The following RFX3 variants were observed in gnomAD, a reference collection of about 807,000 sequenced individuals.
RFX3 encodes regulatory factor X3.
RFX3 carries 14 observed loss-of-function variants against 98.6 expected under a neutral mutation model. That is an observed-to-expected ratio of 0.14 (90% CI 0.09 to 0.22). RFX3 has a LOEUF of 0.22. Ranked by LOEUF, RFX3 falls within the 10% of genes least tolerant of loss-of-function variation. The probability of loss-of-function intolerance (pLI) is 1.00; values close to 1 mark genes in which losing one functional copy is unlikely to be tolerated. For synonymous variants in RFX3, 383 were observed against 328.4 expected (o/e 1.17, Z -1.80); for missense variants, 639 against 926.9 (o/e 0.69, Z 4.03).
chr9:3,377,755 A>G (rs1049542448), intron 2 of RFX3, among the ~76,000 whole-genome samples: 1 of 152,184 alleles, frequency 6.6e-6, no homozygotes, highest in African/African-American at 2.4e-5. Flanking sequence ...TATTTGGGGT[A>G]ATGAAAATGT....
intron 2 of RFX3, among the ~76,000 whole-genome samples, chr9:3,353,223 G>A (rs1015792645): frequency 6.6e-6 from 1 of 150,838 alleles, no homozygotes; most frequent in African/African-American, 2.4e-5. Flanking sequence ...GGGAGGGATA[G>A]CATTAGGAGA....
intron 2 of RFX3, among the ~76,000 whole-genome samples, chr9:3,391,291 A>C (rs1840285214): frequency 6.6e-6 from 1 of 152,190 alleles, no homozygotes; most frequent in African/African-American, 2.4e-5. Flanking sequence ...ACTGGAATAT[A>C]CTGGGGAGCT....
rs369584124 is a variant in RFX3 at position 3,247,912 on chromosome 9, G to A, written c.1968+120C>T. ...TTGCAATAACTCCACAGTCCCTCCTGGCTCTGAGGCTGACTTGGTTAGGAA... is the reference window on the plus strand; with the variant it reads ...TTGCAATAACTCCACAGTCCCTCCTAGCTCTGAGGCTGACTTGGTTAGGAA... On this transcript the variant is annotated intron_variant, in intron 15 of 16. Coordinates refer to ENST00000617270, the MANE Select transcript of RFX3 (RefSeq NM_001282116.2). 1.9e-6 allele frequency: 3 copies of A among 1,611,768 alleles called. No individual in the cohort carries two copies. In the African/African-American group the frequency reaches 4.0e-5, roughly 21 times the overall value.
At chr9:3,243,959 C>A (rs181582356) in intron 15 of RFX3, among the ~76,000 whole-genome samples, 12 of 151,652 alleles carry the variant, frequency 7.9e-5, no homozygotes, top group East Asian at 1.9e-4. Flanking sequence ...GGGCAAGTTA[C>A]TTTTTGGTTC....
intron 15 of RFX3, among the ~76,000 whole-genome samples, chr9:3,234,571 C>T (rs563552419): frequency 2.0e-4 from 31 of 152,144 alleles, no homozygotes; most frequent in Admixed American, 8.5e-4. Context: ...CCAAGGTGGT[C>T]GAGGCTGCAG....
chr9:3,415,008 A>G (rs1842843722), intron 1 of RFX3, among the ~76,000 whole-genome samples: 1 of 136,296 alleles, frequency 7.3e-6, no homozygotes, highest in Non-Finnish European at 1.5e-5. Context: ...ACTTATATAT[A>G]CTCATATATA....
chr9:3,337,996 T>C (rs977601291), intron 3 of RFX3, among the ~76,000 whole-genome samples: 1 of 152,052 alleles, frequency 6.6e-6, no homozygotes, highest in Non-Finnish European at 1.5e-5. Flanking sequence ...CTTATATGAG[T>C]TTCAAAACAG....
intron 1 of RFX3, among the ~76,000 whole-genome samples, chr9:3,425,026 T>G (rs551365197): frequency 2.0e-5 from 3 of 152,108 alleles, no homozygotes; most frequent in Non-Finnish European, 4.4e-5. Flanking sequence ...GCTCAGGAGT[T>G]CAAGACCAGC....
rs766211825 is a variant in RFX3, at chr9:3,218,527, A to G, written c.*6515T>C. On this transcript the variant is annotated 3_prime_UTR_variant, in exon 17 of 17. Coordinates refer to ENST00000617270, the MANE Select transcript of RFX3 (RefSeq NM_001282116.2). ...GTACAGTACACAATACAAATCGCCC[A>G]CAAACTATTATTTAGCTCCTGCCAA... 6.6e-6 allele frequency: 1 copy of G among 152,184 alleles called. No individual in the cohort carries two copies. 9.4% of individuals were successfully genotyped at this position (152,184 alleles called of 1,614,324 possible). A position where few individuals can be genotyped will look rare whatever the true frequency, so the allele number is the denominator to read the frequency against.
At chr9:3,519,535 C>T (rs1390507629) in intron 1 of RFX3, among the ~76,000 whole-genome samples, 1 of 152,104 alleles carries the variant, frequency 6.6e-6, no homozygotes, top group Non-Finnish European at 1.5e-5. Context: ...AAATACTGAG[C>T]AAAGTACGTT....
intron 1 of RFX3, among the ~76,000 whole-genome samples, chr9:3,476,859 G>A (rs1052725708): frequency 1.3e-5 from 2 of 152,092 alleles, no homozygotes; most frequent in African/African-American, 4.8e-5. Context: ...TTGGGCTTTA[G>A]TGTTAAACAG....
rs1385437376 is a variant in RFX3 at position 3,504,434 on chromosome 9, TTGTATATAAAATATATATTATA to T, written c.-9+21291_-9+21312del. 3.7e-3 allele frequency among the ~76,000 whole-genome samples: 477 copies of T among 129,648 alleles called. 18 individuals are homozygous for T. The highest frequency in any genetic ancestry group is 4.4e-3 in the South Asian group (19 of 4,272). 85.1% of individuals were successfully genotyped at this position (129,648 alleles called of 152,430 possible). ...TATATTATATACCACATAGTATATA[TTGTATATAAAATATATATTATA>T]TGCCATATGGTATATATTGTATATA... On this transcript the variant is annotated intron_variant, in intron 1 of 16. Transcript: ENST00000617270.
intron 4 of RFX3, among the ~76,000 whole-genome samples, chr9:3,311,721 C>G (rs892898389): frequency 6.7e-6 from 1 of 149,562 alleles, no homozygotes; most frequent in African/African-American, 2.5e-5. Context: ...CTCATCTCTA[C>G]TAAAAATATA....
At chr9:3,240,109 CTA>C (rs1819721183) in intron 15 of RFX3, among the ~76,000 whole-genome samples, 1 of 152,186 alleles carries the variant, frequency 6.6e-6, no homozygotes, top group Non-Finnish European at 1.5e-5. Flanking sequence ...CACGGGCTGG[CTA>C]TGTCTATGTC....
chr9:3,476,093 G>T (rs1849226395), intron 1 of RFX3, among the ~76,000 whole-genome samples: 3 of 151,836 alleles, frequency 2.0e-5, no homozygotes, highest in Non-Finnish European at 2.9e-5. Context: ...TTTTTCCTAG[G>T]TTATGATTAT....
At chr9:3,283,743 T>C (rs931842410) in intron 7 of RFX3, among the ~76,000 whole-genome samples, 7 of 151,800 alleles carry the variant, frequency 4.6e-5, no homozygotes, top group Non-Finnish European at 1.0e-4. Context: ...CAGAATCCAA[T>C]TGCTGTGAAG....
intron 2 of RFX3, among the ~76,000 whole-genome samples, chr9:3,351,230 AT>A (rs978798237): frequency 7.4e-4 from 112 of 151,764 alleles, no homozygotes; most frequent in African/African-American, 2.6e-3. Flanking sequence ...CTTCCTCTTA[AT>A]TTTGCAGTAA....
intron 1 of RFX3, among the ~76,000 whole-genome samples, chr9:3,434,010 A>G (rs1172271661): frequency 1.3e-5 from 2 of 152,148 alleles, no homozygotes; most frequent in Non-Finnish European, 2.9e-5. Flanking sequence ...AGTGTTTCTC[A>G]ATCTATACTA....
intron 4 of RFX3, among the ~76,000 whole-genome samples, chr9:3,305,360 A>G (rs747035988): frequency 5.9e-5 from 9 of 151,944 alleles, no homozygotes; most frequent in Non-Finnish European, 1.3e-4. Context: ...TAAAGCCAGG[A>G]GAAGGGTTTT....
Sources: gnomAD v4.1 joint callset for allele counts (sites outside exome capture counted in the v4.1 genomes callset) on GRCh38, gnomAD v4.1.1 for gene constraint, MANE v1.5 for transcripts, NCBI Gene and HGNC (gene_info 2026-07-23, HGNC 2026-07-21) for gene names.